Variants in SLC2A7 observed in about 807,000 individuals in gnomAD.
SLC2A7 encodes solute carrier family 2, facilitated glucose transporter member 7.
In SLC2A7, 50 loss-of-function variants were observed where a neutral mutation model predicts 50.5. That is an observed-to-expected ratio of 0.99 (90% CI 0.79 to 1.25). The LOEUF (loss-of-function observed/expected upper bound fraction) is 1.25. Among genes scored for constraint, SLC2A7 ranks in the 50% most tolerant of loss-of-function variants. The probability of loss-of-function intolerance (pLI) is 0.00; values close to 1 mark genes in which losing one functional copy is unlikely to be tolerated. For missense variants in SLC2A7, 683 were observed against 679.1 expected, an observed-to-expected ratio of 1.01 and a Z score of -0.06; for synonymous variants, 308 against 300.4, an observed-to-expected ratio of 1.03 and a Z score of -0.26.
rs574514578 is a variant in SLC2A7, at chr1:9,007,329, C to T, written c.1173G>A (p.Ala391=). 200 of 1,614,180 alleles carry T rather than the reference C, an allele frequency of 1.2e-4. 1 individual carries two copies. The highest frequency in any genetic ancestry group is 7.8e-4 in the East Asian group (35 of 44,876). Residue 391 remains alanine (A), a synonymous_variant, in exon 10 of 12, where the codon GCG becomes GCA. Coordinates refer to ENST00000400906, the MANE Select transcript of SLC2A7 (RefSeq NM_207420.3). ...LGIICVFAYI[A]GHSIGPSPVP... The stretch of plus-strand genomic sequence containing the variant: ...ACTCACTGGGCCCAATGGAATGTCC[C>T]GCGATGTAGGCAAAGACACAGATGA...
Position 9,013,622 on chromosome 1 carries a change from G to A in SLC2A7, c.917C>T (p.Ala306Val), listed in dbSNP as rs751133199. ...LSGINAINYY[A>V]DTIYTSAGVE... Reference sequence around the variant, plus strand: ...GCCCGCAGATGTGTAGATGGTGTCCGCATAGTAGTTGATCTAAACAAAAAC... The same window carrying A: ...GCCCGCAGATGTGTAGATGGTGTCCACATAGTAGTTGATCTAAACAAAAAC... Residue 306 changes from alanine (A) to valine (V), a missense_variant, in exon 8 of 12, where the codon GCG (alanine) becomes GTG (valine). Coordinates refer to ENST00000400906, the MANE Select transcript of SLC2A7 (RefSeq NM_207420.3). The A allele has an allele frequency of 3.1e-6, 5 of 1,613,748 alleles. No homozygotes were observed. Among genetic ancestry groups the A allele is most frequent in the Non-Finnish European group, 4.2e-6 (5 of 1,179,746 alleles).
chr1:9,004,610 C>T, intron 11 of SLC2A7, 142 bp downstream of exon 11: 9 of 1,020,692 alleles, frequency 8.8e-6, no homozygotes, highest in Non-Finnish European at 1.2e-5. Context: ...GGCAGTGGGG[C>T]CACGTGTGTC....
At chr1:9,013,283 G>C (rs1287997058) in intron 8 of SLC2A7, among the ~76,000 whole-genome samples, 1 of 152,220 alleles carries the variant, frequency 6.6e-6, no homozygotes, top group Non-Finnish European at 1.5e-5. Flanking sequence ...GCTCGCCTTG[G>C]CCTTCCGAAG....
intron 8 of SLC2A7, among the ~76,000 whole-genome samples, chr1:9,011,561 G>A (rs115588458): frequency 0.02 from 3,085 of 151,770 alleles, 98 homozygotes; most frequent in African/African-American, 0.071. Flanking sequence ...GGCTCCACTC[G>A]ACATTGAGGC....
chr1:9,009,654 C>T (rs763921127), intron 9 of SLC2A7, among the ~76,000 whole-genome samples: 1 of 152,158 alleles, frequency 6.6e-6, no homozygotes, highest in South Asian at 2.1e-4. Flanking sequence ...GATGGGGTCT[C>T]ACCATGTTGT....
intron 8 of SLC2A7, 46 bp downstream of exon 8, chr1:9,013,479 C>G: frequency 2.6e-6 from 4 of 1,568,300 alleles, no homozygotes; most frequent in Non-Finnish European, 3.5e-6. Flanking sequence ...CTGGCGGCAC[C>G]TGGCCAGAGA....
chr1:9,021,501 G>A (rs1255333053), intron 3 of SLC2A7, among the ~76,000 whole-genome samples: 1 of 152,276 alleles, frequency 6.6e-6, no homozygotes, highest in African/African-American at 2.4e-5. Context: ...AAGCCAGGAA[G>A]GCGAGGTTCT....
At chr1:9,004,925 TC>T (rs1176003531) in intron 10 of SLC2A7, 46 bp from the exon 11 acceptor site, 1 of 1,591,898 alleles carries the variant, frequency 6.3e-7, no homozygotes, top group African/African-American at 1.3e-5. Context: ...GACCCAGGTG[TC>T]CCCCAGGGCT....
downstream of SLC2A7, among the ~76,000 whole-genome samples, chr1:8,998,107 A>G (rs920775768): frequency 3.9e-5 from 6 of 152,132 alleles, no homozygotes; most frequent in African/African-American, 1.4e-4. Context: ...TTCTGTTGGA[A>G]AATCAGTTGT....
intron 10 of SLC2A7, 88 bp from the exon 11 acceptor site, chr1:9,004,967 C>A: frequency 7.0e-7 from 1 of 1,438,628 alleles, no homozygotes; most frequent in South Asian, 1.4e-5. Flanking sequence ...AGCCTCTGAC[C>A]TAGGACCCTC....
At chr1:9,007,111 G>A (rs576850459) in intron 10 of SLC2A7, among the ~76,000 whole-genome samples, 199 bp downstream of exon 10, 1 of 152,338 alleles carries the variant, frequency 6.6e-6, no homozygotes, top group South Asian at 2.1e-4. Flanking sequence ...TGGGGCGCTG[G>A]CCTGGCTGGC....
At position 9,019,266 on chromosome 1, in the gene SLC2A7, CT is replaced by C. The variant is rs1337085688; in HGVS notation, c.378del (p.Val127TrpfsTer7). On this transcript the variant is annotated frameshift_variant, in exon 4 of 12. Coordinates refer to ENST00000400906, the MANE Select transcript of SLC2A7 (RefSeq NM_207420.3). LOFTEE classifies it high-confidence loss of function. ...ACGATCAGCTCAAAAGCCTTGGCCACTTTGCTGACTCCCATCAGGATGGCGG... is the reference window on the plus strand; with the variant it reads ...ACGATCAGCTCAAAAGCCTTGGCCACTTGCTGACTCCCATCAGGATGGCGG... ...IIPAILMGVS[K>X]VAKAFELIVF... 2 of 1,614,034 alleles carry C rather than the reference CT, an allele frequency of 1.2e-6. No individual in the cohort carries two copies. The highest frequency in any genetic ancestry group is 4.5e-5 in the East Asian group (2 of 44,898).
chr1:9,009,897 G>A (rs939078357), intron 9 of SLC2A7, among the ~76,000 whole-genome samples: 1 of 151,448 alleles, frequency 6.6e-6, no homozygotes, highest in African/African-American at 2.4e-5. Context: ...TGTCCTCCTT[G>A]TTTCTCTTTC....
chr1:9,013,080 T>TG (rs1640772656), intron 8 of SLC2A7, among the ~76,000 whole-genome samples: 1 of 152,158 alleles, frequency 6.6e-6, no homozygotes, highest in Non-Finnish European at 1.5e-5. Flanking sequence ...TTAATAGAGA[T>TG]GGGGTTTCAC....
At chr1:9,024,947 G>T in intron 2 of SLC2A7, 29 bp downstream of exon 2, 2 of 1,598,760 alleles carry the variant, frequency 1.3e-6, no homozygotes, top group Non-Finnish European at 1.7e-6. Context: ...GCTGCTGCCC[G>T]GCCCACCTTG....
intron 3 of SLC2A7, among the ~76,000 whole-genome samples, chr1:9,020,754 C>G (rs1405887594): frequency 1.3e-5 from 2 of 150,944 alleles, no homozygotes; most frequent in African/African-American, 4.9e-5. Context: ...TCACTGAAAC[C>G]TCCGTGATAT....
intron 8 of SLC2A7, among the ~76,000 whole-genome samples, chr1:9,012,136 T>C (rs1640759233): frequency 6.6e-6 from 1 of 152,172 alleles, no homozygotes; most frequent in African/African-American, 2.4e-5. Context: ...TGACTCATGT[T>C]AGCTGACTCA....
the SLC2A7 span, among the ~76,000 whole-genome samples, chr1:8,992,775 G>A: frequency 1.2e-4 from 19 of 152,094 alleles, no homozygotes; most frequent in Non-Finnish European, 1.8e-4. Flanking sequence ...ATCCTGTCTC[G>A]GCTTTGCACA....
At position 9,009,771 on chromosome 1, in the gene SLC2A7, C is replaced by T. The variant is rs1457952058; in HGVS notation, c.1116+372G>A. On this transcript the variant is annotated intron_variant, in intron 9 of 11. Coordinates refer to ENST00000400906, the MANE Select transcript of SLC2A7 (RefSeq NM_207420.3). ...CTGTGCTCAGCCTCCTTCTACCTCT[C>T]GAATGGGGTGACTTCTGGTCTTTCC... is the stretch of plus-strand genomic sequence containing the variant. Among the ~76,000 whole-genome samples, 6 of 152,350 alleles carry T rather than the reference C, an allele frequency of 3.9e-5. No individual in the cohort carries two copies. In the East Asian group the frequency reaches 7.7e-4, roughly 20 times the overall value.
Sources: allele counts gnomAD v4.1 joint callset (sites outside exome capture counted in the v4.1 genomes callset), GRCh38; gene constraint gnomAD v4.1.1; transcripts MANE v1.5; gene names NCBI Gene and HGNC (gene_info 2026-07-23, HGNC 2026-07-21).